Variants in ROBO1 observed in about 807,000 individuals in gnomAD.
The protein encoded by ROBO1 is roundabout guidance receptor 1, also known as roundabout homolog 1.
In ROBO1, 149 loss-of-function variants were observed where a neutral mutation model predicts 195.9. The observed-to-expected ratio is 0.76, with a 90% CI of 0.67 to 0.87. The LOEUF is 0.87. Ranked by LOEUF, ROBO1 falls within the 40% of genes least tolerant of loss-of-function variation. The pLI, the probability that ROBO1 is intolerant of heterozygous loss-of-function variation, is 0.00. For synonymous variants in ROBO1, 816 were observed against 733.2 expected, an observed-to-expected ratio of 1.11 and a Z score of -1.82; for missense variants, 1,933 against 2,068.3, an observed-to-expected ratio of 0.93 and a Z score of 1.27.
intron 3 of ROBO1, among the ~76,000 whole-genome samples, chr3:78,971,135 T>C (rs1388646418): frequency 2.0e-5 from 3 of 152,166 alleles, no homozygotes; most frequent in Non-Finnish European, 4.4e-5. Context: ...CTCATGCCCA[T>C]AATCCCAGCA....
chr3:79,723,346 T>C (rs776755522), intron 1 of ROBO1, among the ~76,000 whole-genome samples: 2 of 152,176 alleles, frequency 1.3e-5, no homozygotes, highest in African/African-American at 4.8e-5. Context: ...GGTTTTGAAA[T>C]GTGAGTTGAT....
At chr3:79,675,403 C>G (rs1294445473) in intron 1 of ROBO1, among the ~76,000 whole-genome samples, 1 of 151,942 alleles carries the variant, frequency 6.6e-6, no homozygotes, top group Admixed American at 6.6e-5. Context: ...AACTGAAATT[C>G]ATAGATGATA....
intron 2 of ROBO1, among the ~76,000 whole-genome samples, chr3:79,519,534 C>T (rs941406391): frequency 7.2e-6 from 1 of 139,062 alleles, no homozygotes; most frequent in Non-Finnish European, 1.5e-5. Context: ...GAGGCTGAGG[C>T]AGGAGAATGG....
At chr3:79,447,126 G>A (rs568371443) in intron 2 of ROBO1, among the ~76,000 whole-genome samples, 2 of 152,206 alleles carry the variant, frequency 1.3e-5, no homozygotes, top group East Asian at 3.9e-4. Context: ...ACCATGCGCG[G>A]CCCAAAATGT....
chr3:78,870,980 T>C (rs2035510422), intron 4 of ROBO1, among the ~76,000 whole-genome samples: 1 of 152,168 alleles, frequency 6.6e-6, no homozygotes, highest in Non-Finnish European at 1.5e-5. Context: ...AAGTAATATA[T>C]TATATGTAAA....
intron 2 of ROBO1, among the ~76,000 whole-genome samples, chr3:79,174,820 C>T (rs1279130185): frequency 6.9e-6 from 1 of 144,190 alleles, no homozygotes; most frequent in Admixed American, 7.0e-5. Context: ...TGCGCCACTG[C>T]ACTTCAGTCT....
chr3:78,903,220 C>T (rs185502929), intron 4 of ROBO1, among the ~76,000 whole-genome samples: 5 of 151,874 alleles, frequency 3.3e-5, no homozygotes, highest in East Asian at 1.9e-4. Context: ...ATTTTTAATC[C>T]TTTTTTGCAA....
intron 2 of ROBO1, among the ~76,000 whole-genome samples, chr3:79,237,724 TG>T (rs2082438666): frequency 6.6e-6 from 1 of 152,226 alleles, no homozygotes; most frequent in South Asian, 2.1e-4. Context: ...AAAAGTCTAT[TG>T]TTTTTGAGCA....
intron 4 of ROBO1, among the ~76,000 whole-genome samples, chr3:78,891,477 A>C (rs2036890766): frequency 6.6e-6 from 1 of 152,162 alleles, no homozygotes; most frequent in Admixed American, 6.5e-5. Flanking sequence ...CAAAAATAGA[A>C]ACAACCCTCT....
chr3:79,049,572 G>T (rs961904632), intron 3 of ROBO1, among the ~76,000 whole-genome samples: 6 of 152,048 alleles, frequency 3.9e-5, no homozygotes, highest in African/African-American at 1.2e-4. Flanking sequence ...TCCTCGAGAA[G>T]AGCAACCCCA....
chr3:78,824,503 C>T (rs2031389779), intron 4 of ROBO1, among the ~76,000 whole-genome samples: 1 of 152,032 alleles, frequency 6.6e-6, no homozygotes, highest in African/African-American at 2.4e-5. Context: ...TGCTAAATGG[C>T]AAATATTGGC....
chr3:79,621,929 G>T (rs1331136470), intron 1 of ROBO1, among the ~76,000 whole-genome samples: 1 of 152,142 alleles, frequency 6.6e-6, no homozygotes, highest in African/African-American at 2.4e-5. Context: ...TGGCTGACTA[G>T]AAACAGCAGC....
At chr3:79,220,339 T>A (rs2082116173) in intron 2 of ROBO1, among the ~76,000 whole-genome samples, 1 of 152,104 alleles carries the variant, frequency 6.6e-6, no homozygotes, top group African/African-American at 2.4e-5. Flanking sequence ...CTGTCTCTAA[T>A]TTTCTTAGTG....
intron 4 of ROBO1, among the ~76,000 whole-genome samples, chr3:78,865,569 T>G (rs1434274393): frequency 6.6e-6 from 1 of 151,644 alleles, no homozygotes; most frequent in East Asian, 2.0e-4. Flanking sequence ...CCTCCCAGGT[T>G]CAAGCGATTC....
intron 2 of ROBO1, among the ~76,000 whole-genome samples, chr3:79,369,417 GTCT>G (rs1326495054): frequency 3.3e-5 from 5 of 152,308 alleles, no homozygotes; most frequent in South Asian, 2.1e-4. Context: ...CTATAAAACT[GTCT>G]TCTTCTCCTT....
intron 2 of ROBO1, among the ~76,000 whole-genome samples, chr3:79,159,531 C>T (rs1474237270): frequency 6.6e-6 from 1 of 151,938 alleles, no homozygotes; most frequent in Non-Finnish European, 1.5e-5. Flanking sequence ...TAATTAGAAA[C>T]GTTTAAATTC....
intron 2 of ROBO1, among the ~76,000 whole-genome samples, chr3:79,236,264 C>CTACT (rs1383985982): frequency 6.6e-6 from 1 of 152,184 alleles, no homozygotes; most frequent in Non-Finnish European, 1.5e-5. Flanking sequence ...TGCATTACCT[C>CTACT]TACTTGCCCC....
chr3:79,337,588 C>A (rs1402835224), intron 2 of ROBO1, among the ~76,000 whole-genome samples: 1 of 152,128 alleles, frequency 6.6e-6, no homozygotes, highest in Non-Finnish European at 1.5e-5. Context: ...TTGAAATTAC[C>A]CAGTATTGGG....
chr3:78,632,266 T>G (rs1216373762), intron 24 of ROBO1, among the ~76,000 whole-genome samples: 1 of 152,200 alleles, frequency 6.6e-6, no homozygotes, highest in African/African-American at 2.4e-5. Context: ...TCATATTCAA[T>G]GAGCCTTGAT....
Sources: gnomAD v4.1 joint callset for allele counts (sites outside exome capture counted in the v4.1 genomes callset) on GRCh38, gnomAD v4.1.1 for gene constraint, MANE v1.5 for transcripts, NCBI Gene and HGNC (gene_info 2026-07-23, HGNC 2026-07-21) for gene names.